The following TENM3 variants were observed in gnomAD, a reference collection of about 807,000 sequenced individuals.
The protein encoded by TENM3 is teneurin-3.
In TENM3, 63 loss-of-function variants were observed where a neutral mutation model predicts 255.1. The ratio of observed to expected loss-of-function variants is 0.25; its 90% CI spans 0.20 to 0.30. TENM3 has a LOEUF of 0.30. Ranked by LOEUF, TENM3 falls within the 10% of genes least tolerant of loss-of-function variation. The pLI, the probability that TENM3 is intolerant of heterozygous loss-of-function variation, is 1.00. For synonymous variants in TENM3, 1,306 were observed against 1,322.3 expected (o/e 0.99, Z 0.27); for missense variants, 2,929 against 3,461.1 (o/e 0.85, Z 3.86).
chr4:182,455,685 C>A (rs781706284), intron 3 of TENM3, among the ~76,000 whole-genome samples: 8 of 151,378 alleles, frequency 5.3e-5, no homozygotes, highest in Non-Finnish European at 1.0e-4. Flanking sequence ...CCTCAGCCTC[C>A]CGAGTAGCTG....
chr4:181,646,776 T>C, the TENM3 span, among the ~76,000 whole-genome samples: 1 of 152,272 alleles, frequency 6.6e-6, no homozygotes, highest in Middle Eastern at 3.4e-3. Flanking sequence ...CTGGGTACAA[T>C]ATAAGCAGAA....
intron 4 of TENM3, among the ~76,000 whole-genome samples, chr4:182,601,819 G>A (rs549576065): frequency 7.2e-5 from 11 of 152,234 alleles, no homozygotes; most frequent in South Asian, 4.1e-4. Context: ...GACTGTAACC[G>A]TACAACTAGT....
chr4:182,774,882 T>G, intron 23 of TENM3, 36 bp from the exon 24 acceptor site: 2 of 1,471,464 alleles, frequency 1.4e-6, no homozygotes, highest in Non-Finnish European at 1.9e-6. Flanking sequence ...TTAATCCATA[T>G]CTAATAGTTC....
chr4:181,646,375 C>T, the TENM3 span, among the ~76,000 whole-genome samples: 33 of 152,204 alleles, frequency 2.2e-4, no homozygotes, highest in Middle Eastern at 0.01. Context: ...ATTGCTGCCC[C>T]ACAGAGTGTG....
the TENM3 span, among the ~76,000 whole-genome samples, chr4:181,796,456 G>C: frequency 6.6e-6 from 1 of 152,220 alleles, no homozygotes; most frequent in East Asian, 1.9e-4. Context: ...TGAGGATTCT[G>C]CCCTTGAAAG....
intron 13 of TENM3, among the ~76,000 whole-genome samples, chr4:182,725,623 T>C (rs1760099244): frequency 1.3e-4 from 1 of 7,638 alleles, no homozygotes; most frequent in African/African-American, 5.0e-4. Context: ...TTTGATTTTC[T>C]TTTCTTTTTT....
chr4:182,443,451 G>A (rs1772659574), intron 3 of TENM3, among the ~76,000 whole-genome samples: 3 of 152,150 alleles, frequency 2.0e-5, no homozygotes, highest in Admixed American at 2.0e-4. Context: ...TTGGACACCT[G>A]ATGGCTTGAC....
At chr4:181,944,402 C>A in the TENM3 span, among the ~76,000 whole-genome samples, 1 of 149,882 alleles carries the variant, frequency 6.7e-6, no homozygotes, top group East Asian at 2.0e-4. Flanking sequence ...TGGCCCTCAG[C>A]GAATGGGATG....
chr4:182,728,891 C>A (rs1307761442), intron 13 of TENM3, 74 bp from the exon 14 acceptor site: 3 of 1,181,484 alleles, frequency 2.5e-6, no homozygotes, highest in Non-Finnish European at 2.4e-6. Flanking sequence ...AAAAAACAGT[C>A]AAGAAACAAA....
In TENM3 at chr4:182,743,309, G is replaced by A. The variant is rs200651716; in HGVS notation, c.3519G>A (p.Leu1173=). 24 of 1,613,888 alleles carry A rather than the reference G, an allele frequency of 1.5e-5. No individual in the cohort carries two copies. The highest frequency in any genetic ancestry group is 1.9e-5 in the Non-Finnish European group (23 of 1,179,894). ...CNGQADGNKL[L]APVALACGID... ...GTCAAGCTGATGGTAACAAGTTACT[G>A]GCCCCAGTGGCGCTAGCTTGTGGGA... The change falls in exon 19 of 28, where the codon CTG becomes CTA. Residue 1173 remains leucine, a synonymous_variant. Transcript: ENST00000511685.
At chr4:182,607,873 G>A (rs1210627074) in intron 4 of TENM3, among the ~76,000 whole-genome samples, 2 of 152,182 alleles carry the variant, frequency 1.3e-5, no homozygotes, top group Admixed American at 6.5e-5. Flanking sequence ...CATGGTACCT[G>A]TAGAAATGAA....
the TENM3 span, among the ~76,000 whole-genome samples, chr4:181,673,090 G>T: frequency 6.6e-6 from 1 of 152,300 alleles, no homozygotes; most frequent in African/African-American, 2.4e-5. Flanking sequence ...CCTAGGCATA[G>T]CCCTAGCCAA....
chr4:182,262,125 A>AT (rs1462871662), intron 1 of TENM3, among the ~76,000 whole-genome samples: 2 of 152,150 alleles, frequency 1.3e-5, no homozygotes, highest in African/African-American at 4.8e-5. Context: ...GAAGAACTGC[A>AT]TTTTTTTACA....
the TENM3 span, among the ~76,000 whole-genome samples, chr4:181,587,229 T>A: frequency 6.6e-6 from 1 of 152,296 alleles, no homozygotes; most frequent in South Asian, 2.1e-4. Flanking sequence ...CCCTTCCCAA[T>A]TTAACAAATT....
chr4:181,888,170 C>T, the TENM3 span, among the ~76,000 whole-genome samples: 2 of 151,970 alleles, frequency 1.3e-5, no homozygotes, highest in Admixed American at 6.6e-5. Context: ...GCTGGAATTA[C>T]AGGTGCCCGC....
At chr4:181,938,231 A>G in the TENM3 span, among the ~76,000 whole-genome samples, 3 of 152,156 alleles carry the variant, frequency 2.0e-5, no homozygotes, top group South Asian at 6.2e-4. Context: ...TATTATATAG[A>G]TGAGAAAACC....
the TENM3 span, among the ~76,000 whole-genome samples, chr4:182,090,032 T>C: frequency 6.6e-6 from 1 of 152,234 alleles, no homozygotes; most frequent in Admixed American, 6.5e-5. Flanking sequence ...TTTTCATTAT[T>C]AGCCAACTGA....
chr4:181,683,960 G>T, the TENM3 span, among the ~76,000 whole-genome samples: 1 of 152,128 alleles, frequency 6.6e-6, no homozygotes, highest in East Asian at 1.9e-4. Flanking sequence ...GAATCCAATG[G>T]GTTAAACCCA....
chr4:181,691,235 T>TTGTGTGTG, the TENM3 span, among the ~76,000 whole-genome samples: 1 of 150,936 alleles, frequency 6.6e-6, no homozygotes, highest in Non-Finnish European at 1.5e-5. Context: ...AAATATGATC[T>TTGTGTGTG]TGTGTGTGTG....
Sources: allele counts gnomAD v4.1 joint callset (sites outside exome capture counted in the v4.1 genomes callset), GRCh38; gene constraint gnomAD v4.1.1; transcripts MANE v1.5; gene names NCBI Gene and HGNC (gene_info 2026-07-23, HGNC 2026-07-21).